The following SEC11C variants were observed in gnomAD, a reference collection of about 807,000 sequenced individuals.
SEC11C encodes SEC11 homolog C, signal peptidase complex subunit.
Under a neutral mutation model 21.9 loss-of-function variants are expected in SEC11C, and 10 were observed. That is an observed-to-expected ratio of 0.46 (90% confidence interval 0.28 to 0.77). The LOEUF is 0.77. Ranked by LOEUF, SEC11C falls within the 30% of genes least tolerant of loss-of-function variation. The pLI, the probability that SEC11C is intolerant of heterozygous loss-of-function variation, is 0.12. For missense variants in SEC11C, 145 were observed against 244.5 expected (o/e 0.59, Z 2.71); for synonymous variants, 83 against 85.6 (o/e 0.97, Z 0.17).
At chr18:59,151,901 G>T (rs2069359607) in intron 2 of SEC11C, among the ~76,000 whole-genome samples, 1 of 152,158 alleles carries the variant, frequency 6.6e-6, no homozygotes, top group African/African-American at 2.4e-5. Context: ...AAAGATTTTG[G>T]CACAGGTTTA....
At chr18:59,151,832 A>G (rs147240670) in intron 2 of SEC11C, among the ~76,000 whole-genome samples, 92 of 152,344 alleles carry the variant, frequency 6.0e-4, no homozygotes, top group Non-Finnish European at 9.1e-4. Flanking sequence ...GAGCAAATAC[A>G]TATAATGAAT....
At chr18:59,157,517 T>C (rs1305299725) in intron 4 of SEC11C, 91 bp from the exon 5 acceptor site, 2 of 899,900 alleles carry the variant, frequency 2.2e-6, no homozygotes, top group Non-Finnish European at 3.7e-6. Context: ...TACAATTCAT[T>C]TCTTAAGACT....
chr18:59,155,941 C>G, intron 4 of SEC11C, 134 bp downstream of exon 4: 1 of 999,730 alleles, frequency 1.0e-6, no homozygotes, highest in Non-Finnish European at 1.5e-6. Flanking sequence ...TCTAGTTTAT[C>G]CTGTGAAGAC....
intron 1 of SEC11C, among the ~76,000 whole-genome samples, chr18:59,141,333 T>C (rs1351666178): frequency 6.6e-6 from 1 of 152,222 alleles, no homozygotes; most frequent in East Asian, 1.9e-4. Flanking sequence ...AAAAAGTAAC[T>C]GCTAATGTCC....
chr18:59,144,204 T>G (rs1472098849), intron 1 of SEC11C, among the ~76,000 whole-genome samples: 2 of 152,182 alleles, frequency 1.3e-5, no homozygotes, highest in African/African-American at 4.8e-5. Context: ...TATTTCCTTT[T>G]CCACATTATT....
At position 59,155,238 on chromosome 18, in the gene SEC11C, TTG is replaced by T. The variant is rs546817243; in HGVS notation, c.348-444_348-443del. Among the ~76,000 whole-genome samples the T allele has an allele frequency of 1.2e-3, 176 of 152,340 alleles. 2 individuals are homozygous for T. In the Middle Eastern group the frequency reaches 0.014, roughly 12 times the overall value. ...GAAAAGCTCCTTGTCAGCAGCGTTT[TTG>T]TGTGTTATGAATCTGGACTTGAAAG... On this transcript the variant is annotated intron_variant, in intron 3 of 5. Transcript: ENST00000587834.
At chr18:59,145,325 T>G (rs1027721030) in intron 1 of SEC11C, among the ~76,000 whole-genome samples, 2 of 152,268 alleles carry the variant, frequency 1.3e-5, no homozygotes, top group African/African-American at 2.4e-5. Context: ...ATGTGACCCG[T>G]AAACATAAAA....
chr18:59,157,933 AAAG>A (rs1289211672), intron 5 of SEC11C, among the ~76,000 whole-genome samples: 1 of 152,176 alleles, frequency 6.6e-6, no homozygotes, highest in African/African-American at 2.4e-5. Context: ...TACACACACA[AAAG>A]TAGTACCATA....
At chr18:59,145,712 A>AT (rs2069266541) in intron 1 of SEC11C, among the ~76,000 whole-genome samples, 1 of 152,144 alleles carries the variant, frequency 6.6e-6, no homozygotes, top group African/African-American at 2.4e-5. Context: ...GCATTTGAAA[A>AT]CCAGTACAGT....
chr18:59,154,687 A>G (rs915254817), intron 3 of SEC11C, among the ~76,000 whole-genome samples: 8 of 152,218 alleles, frequency 5.3e-5, no homozygotes, highest in Non-Finnish European at 1.0e-4. Flanking sequence ...GCACACTTGG[A>G]TTTAAATTAC....
chr18:59,153,973 C>G (rs1184733842), intron 3 of SEC11C, among the ~76,000 whole-genome samples: 1 of 152,164 alleles, frequency 6.6e-6, no homozygotes, highest in Non-Finnish European at 1.5e-5. Flanking sequence ...TCCCAAAGTG[C>G]TAGGATTACA....
intron 1 of SEC11C, among the ~76,000 whole-genome samples, chr18:59,141,096 T>C (rs1467953615): frequency 6.6e-6 from 1 of 152,108 alleles, no homozygotes; most frequent in Non-Finnish European, 1.5e-5. Flanking sequence ...AGATGTGGGG[T>C]GGTGCCCATG....
intron 1 of SEC11C, among the ~76,000 whole-genome samples, chr18:59,145,332 A>G (rs1318556266): frequency 6.6e-6 from 1 of 152,244 alleles, no homozygotes; most frequent in Non-Finnish European, 1.5e-5. Flanking sequence ...CCGTAAACAT[A>G]AAATATTTAC....
intron 1 of SEC11C, 51 bp downstream of exon 1, chr18:59,140,086 C>A: frequency 1.4e-6 from 2 of 1,457,932 alleles, no homozygotes; most frequent in Non-Finnish European, 1.8e-6. Flanking sequence ...CCTGTGCTAG[C>A]GGGGAGTCGG....
At chr18:59,143,553 C>A (rs2069236188) in intron 1 of SEC11C, among the ~76,000 whole-genome samples, 1 of 152,094 alleles carries the variant, frequency 6.6e-6, no homozygotes, top group African/African-American at 2.4e-5. Context: ...CTGAGCTCTG[C>A]TTTTCCTACA....
chr18:59,140,459 G>A (rs1436490209), intron 1 of SEC11C, among the ~76,000 whole-genome samples: 3 of 152,220 alleles, frequency 2.0e-5, no homozygotes, highest in Non-Finnish European at 4.4e-5. Flanking sequence ...CAGGCGAGAG[G>A]GAAGAACTTT....
chr18:59,156,023 G>A, intron 4 of SEC11C: 3 of 434,290 alleles, frequency 6.9e-6, no homozygotes, highest in Non-Finnish European at 4.1e-6. Context: ...TATATGATGG[G>A]TTCAAATCTG....
intron 2 of SEC11C, among the ~76,000 whole-genome samples, chr18:59,151,086 C>T (rs2069346872): frequency 6.6e-6 from 1 of 152,064 alleles, no homozygotes; most frequent in African/African-American, 2.4e-5. Context: ...AGCAAGTAGA[C>T]ATTGATATTA....
intron 1 of SEC11C, among the ~76,000 whole-genome samples, chr18:59,145,362 A>C (rs552216104): frequency 4.4e-4 from 67 of 152,350 alleles, no homozygotes; most frequent in Non-Finnish European, 8.2e-4. Context: ...CTTTACACAA[A>C]AATTTGCTGA....
Sources: allele counts gnomAD v4.1 joint callset (sites outside exome capture counted in the v4.1 genomes callset), GRCh38; gene constraint gnomAD v4.1.1; transcripts MANE v1.5; gene names NCBI Gene and HGNC (gene_info 2026-07-23, HGNC 2026-07-21).